CRACD: variants seen among roughly 807,000 people sequenced by gnomAD.
The protein encoded by CRACD is capping protein inhibiting regulator of actin dynamics.
A neutral mutation model predicts 106.8 loss-of-function variants in CRACD; 56 were observed. The observed-to-expected ratio is 0.52, with a 90% CI of 0.42 to 0.66. CRACD has a LOEUF of 0.66. CRACD is among the 30% of genes least tolerant of loss of function. The pLI, the probability that CRACD is intolerant of heterozygous loss-of-function variation, is 0.00. For synonymous variants in CRACD, 754 were observed against 670.8 expected, an observed-to-expected ratio of 1.12 and a Z score of -1.92; for missense variants, 1,730 against 1,623.2, an observed-to-expected ratio of 1.07 and a Z score of -1.13.
intron 2 of CRACD, among the ~76,000 whole-genome samples, chr4:56,219,062 A>G (rs1048528912): frequency 6.6e-6 from 1 of 152,166 alleles, no homozygotes; most frequent in African/African-American, 2.4e-5. Context: ...TAACTGGTAG[A>G]TGAATTGAAG....
intron 2 of CRACD, among the ~76,000 whole-genome samples, chr4:56,199,702 A>AG (rs1387194766): frequency 2.6e-5 from 4 of 151,460 alleles, no homozygotes; most frequent in African/African-American, 9.7e-5. Context: ...AAGAAAAGAA[A>AG]AAAAAAGAAA....
At chr4:56,084,438 A>C (rs1733145171) in intron 1 of CRACD, among the ~76,000 whole-genome samples, 2 of 152,198 alleles carry the variant, frequency 1.3e-5, no homozygotes. Context: ...GTGAAAAAAA[A>C]CTAAACTAGT....
At chr4:56,327,469 T>G (rs1009175201) in intron 10 of CRACD, among the ~76,000 whole-genome samples, 175 bp from the exon 11 acceptor site, 1 of 152,240 alleles carries the variant, frequency 6.6e-6, no homozygotes, top group African/African-American at 2.4e-5. Context: ...GTTTTGTATA[T>G]TTTAATTAGT....
At chr4:56,306,135 G>A (rs988264941) in intron 4 of CRACD, among the ~76,000 whole-genome samples, 1 of 152,116 alleles carries the variant, frequency 6.6e-6, no homozygotes, top group Non-Finnish European at 1.5e-5. Flanking sequence ...CAAAGTGAGG[G>A]GTTTGGAGTA....
intron 8 of CRACD, among the ~76,000 whole-genome samples, chr4:56,317,442 T>C (rs1225411252): frequency 2.0e-5 from 3 of 152,192 alleles, no homozygotes; most frequent in Non-Finnish European, 2.9e-5. Context: ...ATGATACTTA[T>C]TTACACAAGC....
At chr4:56,070,613 T>A (rs1732613692) in intron 1 of CRACD, among the ~76,000 whole-genome samples, 1 of 152,178 alleles carries the variant, frequency 6.6e-6, no homozygotes, top group Non-Finnish European at 1.5e-5. Flanking sequence ...TTAACAGCTC[T>A]AGCACCACCT....
chr4:56,075,045 C>T (rs1291874817), intron 1 of CRACD, among the ~76,000 whole-genome samples: 2 of 152,126 alleles, frequency 1.3e-5, no homozygotes, highest in Non-Finnish European at 2.9e-5. Flanking sequence ...CCGACTTGAT[C>T]GTGGTGGATA....
chr4:56,078,985 A>T (rs913786537), intron 1 of CRACD, among the ~76,000 whole-genome samples: 1 of 152,162 alleles, frequency 6.6e-6, no homozygotes, highest in Admixed American at 6.5e-5. Flanking sequence ...TAATGGAGTA[A>T]TTCACATATG....
chr4:56,267,380 G>A (rs920738612), intron 2 of CRACD, among the ~76,000 whole-genome samples: 2 of 151,964 alleles, frequency 1.3e-5, no homozygotes, highest in Non-Finnish European at 2.9e-5. Flanking sequence ...CCTCAGCCCC[G>A]CAAAGTGCCG....
At chr4:56,208,814 A>C (rs1254625624) in intron 2 of CRACD, among the ~76,000 whole-genome samples, 1 of 152,194 alleles carries the variant, frequency 6.6e-6, no homozygotes, top group African/African-American at 2.4e-5. Context: ...CACTTGATCA[A>C]AATAGGGTCA....
chr4:56,120,982 G>A (rs1317901940), intron 1 of CRACD, among the ~76,000 whole-genome samples: 1 of 152,150 alleles, frequency 6.6e-6, no homozygotes, highest in Non-Finnish European at 1.5e-5. Flanking sequence ...GACTTATCAA[G>A]GTCTTGGATT....
At chr4:56,103,823 C>G (rs974207756) in intron 1 of CRACD, among the ~76,000 whole-genome samples, 1 of 152,210 alleles carries the variant, frequency 6.6e-6, no homozygotes, top group African/African-American at 2.4e-5. Context: ...TCCTGTTGCT[C>G]AGGCTGGAGT....
rs1386579544 is a variant in CRACD at position 56,072,021 on chromosome 4, G to A, written c.-336+22722G>A. 5.9e-5 allele frequency among the ~76,000 whole-genome samples: 9 copies of A among 151,668 alleles called. No homozygotes were observed. In the South Asian group the frequency reaches 1.2e-3, roughly 21 times the overall value. ...CGGGCGCCTGTAGTCCCAGCTACGC[G>A]GGAGGCTGAGGCAGGAGAATGGCGT... On this transcript the variant is annotated intron_variant, in intron 1 of 10. Transcript: ENST00000682029.
chr4:56,264,260 T>C (rs1741871541), intron 2 of CRACD, among the ~76,000 whole-genome samples: 1 of 152,006 alleles, frequency 6.6e-6, no homozygotes, highest in African/African-American at 2.4e-5. Flanking sequence ...CAACATGAGA[T>C]TTGAATGGGG....
Position 56,310,652 on chromosome 4 carries a change from T to C in CRACD, c.286-14T>C. On this transcript the variant is annotated splice_polypyrimidine_tract_variant and intron_variant, in intron 5 of 10. Coordinates refer to ENST00000682029, the MANE Select transcript of CRACD (RefSeq NM_001393381.1). ...GTTCAGGCCTTTGACTTGAATGCTC[T>C]CTTACTGTTCCAGTCCAGTGATACG... is the stretch of plus-strand genomic sequence containing the variant. 1 of 1,595,768 alleles carries C rather than the reference T, an allele frequency of 6.3e-7. No individual in the cohort carries two copies. Among genetic ancestry groups the C allele is most frequent in the Non-Finnish European group, 8.6e-7 (1 of 1,163,408 alleles).
intron 8 of CRACD, among the ~76,000 whole-genome samples, chr4:56,322,971 A>G (rs1220114296): frequency 6.6e-6 from 1 of 152,170 alleles, no homozygotes; most frequent in African/African-American, 2.4e-5. Context: ...AGAGGTTGCA[A>G]TGTGCCGAGA....
intron 1 of CRACD, among the ~76,000 whole-genome samples, chr4:56,089,524 T>C (rs1247659409): frequency 6.6e-6 from 1 of 151,186 alleles, no homozygotes; most frequent in South Asian, 2.1e-4. Context: ...TTTTTTTTTT[T>C]TTTTTTGAGA....
chr4:56,296,694 G>A (rs1385366197), intron 3 of CRACD, among the ~76,000 whole-genome samples: 1 of 152,152 alleles, frequency 6.6e-6, no homozygotes, highest in Non-Finnish European at 1.5e-5. Context: ...GGAGGAGGTT[G>A]TGCTCTCTCT....
intron 2 of CRACD, among the ~76,000 whole-genome samples, chr4:56,220,134 T>C (rs535453112): frequency 1.3e-4 from 20 of 152,350 alleles, no homozygotes; most frequent in African/African-American, 4.8e-4. Flanking sequence ...GCTCCTTCAC[T>C]GCAGCTTTGA....
Sources: gnomAD v4.1 joint callset for allele counts (sites outside exome capture counted in the v4.1 genomes callset) on GRCh38, gnomAD v4.1.1 for gene constraint, MANE v1.5 for transcripts, NCBI Gene and HGNC (gene_info 2026-07-23, HGNC 2026-07-21) for gene names.